SNX29: variants seen among roughly 807,000 people sequenced by gnomAD.
The protein encoded by SNX29 is sorting nexin 29, also known as sorting nexin-29.
SNX29 carries 78 observed loss-of-function variants against 102.1 expected under a neutral mutation model. The ratio of observed to expected loss-of-function variants is 0.76; its 90% CI spans 0.64 to 0.92. SNX29 has a LOEUF of 0.92. Among genes scored for constraint, SNX29 ranks in the 40% least tolerant of loss-of-function variants. The pLI is 0.00. For synonymous variants in SNX29, 580 were observed against 414.5 expected (o/e 1.40, Z -4.85); for missense variants, 1,280 against 1,061.7 (o/e 1.21, Z -2.86).
rs556538290 is a variant in SNX29 at position 12,524,756 on chromosome 16, G to T, written c.2233G>T (p.Val745Phe). The T allele has an allele frequency of 6.2e-7, 1 of 1,613,750 alleles. No individual in the cohort carries two copies. Among genetic ancestry groups the T allele is most frequent in the African/African-American group, 1.3e-5 (1 of 74,956 alleles). ...RKQLQNYLRS[V>F]MNKVIQMVPE... ...GCAGCTCCAGAATTACCTGCGCAGC[G>T]TCATGAACAAAGTCATCCAGATGGT... Residue 745 changes from valine (V) to phenylalanine (F), a missense_variant, in exon 20 of 21, where the codon GTC becomes TTC. Coordinates refer to ENST00000566228, the MANE Select transcript of SNX29 (RefSeq NM_032167.5).
At chr16:12,144,930 C>T (rs1254993336) in intron 13 of SNX29, among the ~76,000 whole-genome samples, 1 of 152,194 alleles carries the variant, frequency 6.6e-6, no homozygotes, top group Non-Finnish European at 1.5e-5. Flanking sequence ...ACCGGGTTAG[C>T]CAGGATGGTC....
At chr16:12,074,568 C>A (rs1397306321) in intron 10 of SNX29, among the ~76,000 whole-genome samples, 1 of 152,084 alleles carries the variant, frequency 6.6e-6, no homozygotes, top group East Asian at 1.9e-4. Context: ...TTGTGGGTAA[C>A]CCGACCTTTC....
chr16:12,434,624 A>G (rs1372685521), intron 18 of SNX29, among the ~76,000 whole-genome samples: 1 of 152,106 alleles, frequency 6.6e-6, no homozygotes. Context: ...TAACCCACCC[A>G]AAGACAGTTC....
chr16:12,033,159 C>G (rs2057389193), intron 4 of SNX29, among the ~76,000 whole-genome samples: 1 of 151,930 alleles, frequency 6.6e-6, no homozygotes, highest in Admixed American at 6.6e-5. Context: ...CCGGCCAATG[C>G]TGGCTTTTTA....
intron 8 of SNX29, among the ~76,000 whole-genome samples, chr16:12,055,747 G>T (rs936672758): frequency 1.3e-5 from 2 of 152,134 alleles, no homozygotes; most frequent in Non-Finnish European, 2.9e-5. Flanking sequence ...ATTATGCAGC[G>T]TAATCTGGTT....
At chr16:12,490,483 A>G (rs1163783963) in intron 19 of SNX29, among the ~76,000 whole-genome samples, 1 of 152,234 alleles carries the variant, frequency 6.6e-6, no homozygotes, top group African/African-American at 2.4e-5. Flanking sequence ...GGTCTGGCTC[A>G]ATTACAAATA....
intron 20 of SNX29, among the ~76,000 whole-genome samples, chr16:12,547,572 C>T (rs1262970164): frequency 6.6e-6 from 1 of 152,006 alleles, no homozygotes; most frequent in Non-Finnish European, 1.5e-5. Flanking sequence ...CATCCCCCTC[C>T]CTCACGAGGA....
chr16:12,295,581 G>A (rs554264106), intron 15 of SNX29, among the ~76,000 whole-genome samples: 37 of 152,322 alleles, frequency 2.4e-4, no homozygotes, highest in African/African-American at 8.9e-4. Context: ...CTTCCTTGGA[G>A]TGACTCACAG....
At chr16:12,325,230 G>A (rs2081080980) in intron 15 of SNX29, among the ~76,000 whole-genome samples, 2 of 152,106 alleles carry the variant, frequency 1.3e-5, no homozygotes, top group South Asian at 4.1e-4. Context: ...CCTCTGAAAG[G>A]CATTTTTAAG....
In SNX29 at chr16:12,571,716, GAGCTT is replaced by G. The variant is rs917078165; in HGVS notation, c.*3089_*3093del. 9.5e-7 allele frequency: 1 copy of G among 1,053,770 alleles called. No individual in the cohort carries two copies. The highest frequency in any genetic ancestry group is 5.4e-5 in the Admixed American group (1 of 18,562). The allele number at this position is 1,053,770 out of a possible 1,614,324, so 65.3% of individuals were successfully genotyped here. A position where few individuals can be genotyped will look rare whatever the true frequency, so the allele number is the denominator to read the frequency against. On this transcript the variant is annotated 3_prime_UTR_variant, in exon 21 of 21. Coordinates refer to ENST00000566228, the MANE Select transcript of SNX29 (RefSeq NM_032167.5). ...AGACAACAAAAGCTTCTAAGGGAGG[GAGCTT>G]AAAGGCTGCTAGAAACCTAGCCCAA...
chr16:12,469,873 G>A (rs1187246386), intron 18 of SNX29, among the ~76,000 whole-genome samples: 4 of 152,160 alleles, frequency 2.6e-5, no homozygotes, highest in Admixed American at 2.6e-4. Flanking sequence ...AACCAGGCAT[G>A]GTGGCTTGTG....
chr16:11,982,448 G>C (rs985096854), intron 1 of SNX29, among the ~76,000 whole-genome samples: 2 of 81,938 alleles, frequency 2.4e-5, no homozygotes, highest in African/African-American at 1.0e-4. Flanking sequence ...TTTTTGTTTT[G>C]AGATGGAGTC....
At chr16:12,156,059 G>A (rs550440823) in intron 13 of SNX29, among the ~76,000 whole-genome samples, 22 of 152,296 alleles carry the variant, frequency 1.4e-4, no homozygotes, top group Non-Finnish European at 2.5e-4. Context: ...GTTCCTTAAC[G>A]TGCGTGGCGC....
intron 2 of SNX29, among the ~76,000 whole-genome samples, chr16:12,001,235 A>G (rs916322623): frequency 1.3e-5 from 2 of 151,892 alleles, no homozygotes; most frequent in African/African-American, 4.8e-5. Flanking sequence ...CCTCAGCCTC[A>G]TGAGTAGCTG....
At chr16:12,121,336 G>T (rs1450597547) in intron 11 of SNX29, among the ~76,000 whole-genome samples, 3 of 152,240 alleles carry the variant, frequency 2.0e-5, no homozygotes, top group Non-Finnish European at 4.4e-5. Flanking sequence ...CAAGGGCACA[G>T]AACCCCATAG....
intron 14 of SNX29, among the ~76,000 whole-genome samples, chr16:12,276,925 G>A (rs116974573): frequency 3.2e-4 from 48 of 152,152 alleles, no homozygotes; most frequent in East Asian, 1.9e-3. Flanking sequence ...GTTGGTTTCC[G>A]AGTTTTTCTA....
intron 11 of SNX29, chr16:12,089,702 G>C (rs2052407455): frequency 4.7e-6 from 1 of 212,942 alleles, no homozygotes; most frequent in Admixed American, 6.0e-5. Context: ...GGCTCGTGTA[G>C]ATTTTATCCC....
At chr16:12,002,850 G>A (rs989360589) in intron 2 of SNX29, 141 bp from the exon 3 acceptor site, 1 of 835,254 alleles carries the variant, frequency 1.2e-6, no homozygotes, top group Non-Finnish European at 1.9e-6. Flanking sequence ...ATACCCAGGG[G>A]ACAGGGACGT....
At chr16:12,032,947 C>CA (rs1174939690) in intron 4 of SNX29, among the ~76,000 whole-genome samples, 1 of 152,064 alleles carries the variant, frequency 6.6e-6, no homozygotes, top group Non-Finnish European at 1.5e-5. Context: ...CTCCACCCCC[C>CA]AGGTTCAAGT....
Sources: allele counts gnomAD v4.1 joint callset (sites outside exome capture counted in the v4.1 genomes callset), GRCh38; gene constraint gnomAD v4.1.1; transcripts MANE v1.5; gene names NCBI Gene and HGNC (gene_info 2026-07-23, HGNC 2026-07-21).